Variants in KCND2 observed in about 807,000 individuals in gnomAD.
The protein encoded by KCND2 is potassium voltage-gated channel subfamily D member 2, also known as A-type voltage-gated potassium channel KCND2.
KCND2 carries 16 observed loss-of-function variants against 54.4 expected under a neutral mutation model. The observed-to-expected ratio is 0.29, with a 90% CI of 0.20 to 0.45. The LOEUF (loss-of-function observed/expected upper bound fraction) is 0.45. Among genes scored for constraint, KCND2 ranks in the 20% least tolerant of loss-of-function variants. The probability of loss-of-function intolerance (pLI) is 1.00; values close to 1 mark genes in which losing one functional copy is unlikely to be tolerated. For missense variants in KCND2, 486 were observed against 824.2 expected (o/e 0.59, Z 5.02); for synonymous variants, 317 against 310.7 (o/e 1.02, Z -0.21).
chr7:120,379,721 T>A (rs1438820635), intron 1 of KCND2, among the ~76,000 whole-genome samples: 1 of 152,026 alleles, frequency 6.6e-6, no homozygotes, highest in Admixed American at 6.6e-5. Context: ...ATATGTCTGA[T>A]GTCTGGGCAG....
chr7:120,633,888 T>G (rs1457828268), intron 1 of KCND2, among the ~76,000 whole-genome samples: 1 of 152,198 alleles, frequency 6.6e-6, no homozygotes, highest in African/African-American at 2.4e-5. Context: ...GTTTAGAGAA[T>G]ATATACAATT....
chr7:120,495,175 T>C (rs192635198), intron 1 of KCND2, among the ~76,000 whole-genome samples: 125 of 152,310 alleles, frequency 8.2e-4, no homozygotes, highest in African/African-American at 2.8e-3. Context: ...ACATTCTGTG[T>C]TTACATTTTA....
At chr7:120,293,321 A>G (rs1799463129) in intron 1 of KCND2, among the ~76,000 whole-genome samples, 1 of 151,976 alleles carries the variant, frequency 6.6e-6, no homozygotes, top group Non-Finnish European at 1.5e-5. Flanking sequence ...TGTCCAGATC[A>G]TTGTACCTGA....
chr7:120,437,451 C>T (rs1801883607), intron 1 of KCND2, among the ~76,000 whole-genome samples: 1 of 152,098 alleles, frequency 6.6e-6, no homozygotes, highest in Non-Finnish European at 1.5e-5. Flanking sequence ...ATCTGCCCAC[C>T]TTGGCCTCCC....
intron 1 of KCND2, among the ~76,000 whole-genome samples, chr7:120,634,340 T>A (rs1793277473): frequency 6.6e-6 from 1 of 152,182 alleles, no homozygotes; most frequent in Admixed American, 6.5e-5. Context: ...TGGGTAGTAT[T>A]ATTTCACAAT....
chr7:120,584,481 A>G (rs1792565431), intron 1 of KCND2, among the ~76,000 whole-genome samples: 2 of 152,352 alleles, frequency 1.3e-5, no homozygotes, highest in Middle Eastern at 6.8e-3. Context: ...AATGGATTTT[A>G]TGTTCAATGT....
intron 1 of KCND2, among the ~76,000 whole-genome samples, chr7:120,625,514 A>G (rs999783924): frequency 3.3e-5 from 5 of 152,138 alleles, no homozygotes; most frequent in Non-Finnish European, 1.5e-5. Flanking sequence ...TCTTGCCCCT[A>G]CTTTTAAAAT....
chr7:120,576,553 A>G (rs934161828), intron 1 of KCND2, among the ~76,000 whole-genome samples: 1 of 152,220 alleles, frequency 6.6e-6, no homozygotes, highest in Non-Finnish European at 1.5e-5. Flanking sequence ...ATATTGCCAA[A>G]CAAGTACAAA....
chr7:120,740,148 T>C (rs1361492705), intron 2 of KCND2, among the ~76,000 whole-genome samples: 1 of 152,008 alleles, frequency 6.6e-6, no homozygotes, highest in Non-Finnish European at 1.5e-5. Context: ...TGTGAATATA[T>C]CTACTTGCTC....
At chr7:120,390,930 G>A (rs1309848227) in intron 1 of KCND2, among the ~76,000 whole-genome samples, 4 of 151,900 alleles carry the variant, frequency 2.6e-5, no homozygotes, top group Non-Finnish European at 5.9e-5. Context: ...TTTAAGTTCT[G>A]GGATACATGT....
chr7:120,674,326 G>A (rs1161137888), intron 1 of KCND2, among the ~76,000 whole-genome samples: 2 of 152,120 alleles, frequency 1.3e-5, no homozygotes, highest in Non-Finnish European at 2.9e-5. Context: ...ACAGCCATGA[G>A]ACCTTTGTGT....
chr7:120,713,916 T>G (rs144850150), intron 1 of KCND2, among the ~76,000 whole-genome samples: 1 of 152,308 alleles, frequency 6.6e-6, no homozygotes, highest in East Asian at 1.9e-4. Context: ...AATTCAGATA[T>G]AGCAGATACA....
chr7:120,598,009 C>T (rs1036197666), intron 1 of KCND2, among the ~76,000 whole-genome samples: 3 of 151,496 alleles, frequency 2.0e-5, no homozygotes, highest in Non-Finnish European at 2.9e-5. Flanking sequence ...ACCGCCTCCA[C>T]AAGAGCATTT....
chr7:120,403,084 A>G lies in KCND2; in HGVS notation c.1115+127337A>G, dbSNP rs182607988. Among the ~76,000 whole-genome samples, 219 of 152,310 alleles carry G rather than the reference A, an allele frequency of 1.4e-3. 1 individual carries two copies. Among genetic ancestry groups the G allele is most frequent in the African/African-American group, 5.2e-3 (216 of 41,584 alleles). Reference sequence around the variant, plus strand: ...TCTCTCCTGCATTGTCCATATGTAAAGATGACTTAGCCAAAGCTCCCAAGC... The same window carrying G: ...TCTCTCCTGCATTGTCCATATGTAAGGATGACTTAGCCAAAGCTCCCAAGC... On this transcript the variant is annotated intron_variant, in intron 1 of 5. Transcript: ENST00000331113.
At chr7:120,330,660 A>C (rs1437683444) in intron 1 of KCND2, among the ~76,000 whole-genome samples, 1 of 151,874 alleles carries the variant, frequency 6.6e-6, no homozygotes, top group African/African-American at 2.4e-5. Context: ...ACTCAAACAA[A>C]AGCTTCAGAA....
intron 1 of KCND2, among the ~76,000 whole-genome samples, chr7:120,292,790 G>A (rs1176314791): frequency 6.6e-6 from 1 of 151,816 alleles, no homozygotes; most frequent in African/African-American, 2.4e-5. Flanking sequence ...GTGATACTTG[G>A]AGAAAACTAT....
At chr7:120,361,961 GT>G (rs1800597923) in intron 1 of KCND2, among the ~76,000 whole-genome samples, 1 of 151,982 alleles carries the variant, frequency 6.6e-6, no homozygotes, top group African/African-American at 2.4e-5. Context: ...AACATCAATG[GT>G]TTTGGGAGAA....
In KCND2 at chr7:120,748,964, A is replaced by G. The variant is rs957049212; in HGVS notation, c.*1106A>G. 6.6e-6 allele frequency: 1 copy of G among 151,918 alleles called. No homozygotes were observed. The highest frequency in any genetic ancestry group is 2.1e-4 in the South Asian group (1 of 4,830). The allele number at this position is 151,918 out of a possible 1,614,324, so 9.4% of individuals were successfully genotyped here. A position where few individuals can be genotyped will look rare whatever the true frequency, so the allele number is the denominator to read the frequency against. ...CATCAATCCCCTTGTCGAAAACTAGAAAAAAAGGAGTTGACCCATATAAAT... is the reference window on the plus strand; with the variant it reads ...CATCAATCCCCTTGTCGAAAACTAGGAAAAAAGGAGTTGACCCATATAAAT... On this transcript the variant is annotated 3_prime_UTR_variant, in exon 6 of 6. Coordinates refer to ENST00000331113, the MANE Select transcript of KCND2 (RefSeq NM_012281.3).
chr7:120,312,581 A>T (rs1448462977), intron 1 of KCND2, among the ~76,000 whole-genome samples: 2 of 152,316 alleles, frequency 1.3e-5, no homozygotes, highest in South Asian at 2.1e-4. Flanking sequence ...CTAAATTGAC[A>T]TTCATGGCTA....
Sources: allele counts gnomAD v4.1 joint callset (sites outside exome capture counted in the v4.1 genomes callset), GRCh38; gene constraint gnomAD v4.1.1; transcripts MANE v1.5; gene names NCBI Gene and HGNC (gene_info 2026-07-23, HGNC 2026-07-21).